The following GRID2 variants were observed in gnomAD, a reference collection of about 807,000 sequenced individuals.
GRID2 encodes glutamate ionotropic receptor delta type subunit 2.
In GRID2, 33 loss-of-function variants were observed where a neutral mutation model predicts 114.8. That is an observed-to-expected ratio of 0.29 (90% CI 0.22 to 0.38). The LOEUF is 0.38. GRID2 is among the 10% of genes least tolerant of loss of function. GRID2 has a pLI of 1.00. For missense variants in GRID2, 1,184 were observed against 1,257.7 expected, an observed-to-expected ratio of 0.94 and a Z score of 0.89; for synonymous variants, 505 against 449.9, an observed-to-expected ratio of 1.12 and a Z score of -1.55.
intron 7 of GRID2, among the ~76,000 whole-genome samples, chr4:93,238,098 A>G (rs879280155): frequency 4.6e-5 from 7 of 151,802 alleles, no homozygotes; most frequent in Non-Finnish European, 8.8e-5. Flanking sequence ...GAGCTCTAAC[A>G]TGGTTTCATT....
intron 2 of GRID2, among the ~76,000 whole-genome samples, chr4:92,665,671 T>G (rs1437044097): frequency 1.3e-5 from 2 of 151,114 alleles, no homozygotes; most frequent in Non-Finnish European, 3.0e-5. Flanking sequence ...CTCTAACTTT[T>G]GAAAGATAAT....
intron 8 of GRID2, among the ~76,000 whole-genome samples, chr4:93,263,581 A>G (rs1750487866): frequency 6.6e-6 from 1 of 152,090 alleles, no homozygotes; most frequent in South Asian, 2.1e-4. Context: ...AAATCTTAGT[A>G]TATTATATTT....
chr4:92,857,185 A>T (rs1744234535), intron 2 of GRID2, among the ~76,000 whole-genome samples: 1 of 152,152 alleles, frequency 6.6e-6, no homozygotes, highest in African/African-American at 2.4e-5. Context: ...CAAGGTTGAA[A>T]TTGGGCCAAT....
intron 8 of GRID2, among the ~76,000 whole-genome samples, chr4:93,311,497 A>G (rs1301435370): frequency 1.3e-5 from 2 of 152,254 alleles, no homozygotes; most frequent in East Asian, 3.9e-4. Flanking sequence ...TGGAATTCTC[A>G]AGCAAACACG....
At chr4:92,812,180 T>C (rs765881009) in intron 2 of GRID2, among the ~76,000 whole-genome samples, 2 of 152,156 alleles carry the variant, frequency 1.3e-5, no homozygotes, top group African/African-American at 2.4e-5. Context: ...ATCTTTAATA[T>C]ATGAATATCA....
intron 1 of GRID2, among the ~76,000 whole-genome samples, chr4:92,529,424 A>C (rs1474982831): frequency 6.6e-6 from 1 of 152,050 alleles, no homozygotes; most frequent in Non-Finnish European, 1.5e-5. Context: ...ATGAGAGAAG[A>C]CCTCATTGAA....
At chr4:93,140,251 C>T (rs1377997643) in intron 4 of GRID2, among the ~76,000 whole-genome samples, 1 of 151,288 alleles carries the variant, frequency 6.6e-6, no homozygotes, top group Non-Finnish European at 1.5e-5. Flanking sequence ...CTACGCCTCC[C>T]GGGTTCACGC....
At chr4:93,118,614 T>C (rs1330843233) in intron 4 of GRID2, among the ~76,000 whole-genome samples, 1 of 152,208 alleles carries the variant, frequency 6.6e-6, no homozygotes, top group Non-Finnish European at 1.5e-5. Context: ...AGTTTGAAAC[T>C]GGTCAAATAG....
At chr4:93,407,751 C>A (rs201390501) in intron 9 of GRID2, among the ~76,000 whole-genome samples, 1 of 89,780 alleles carries the variant, frequency 1.1e-5, no homozygotes, top group Non-Finnish European at 2.4e-5. Flanking sequence ...CCTCCTCCTC[C>A]TCCTCGTCCT....
chr4:92,415,565 A>T (rs1731554096), intron 1 of GRID2, among the ~76,000 whole-genome samples: 1 of 151,136 alleles, frequency 6.6e-6, no homozygotes, highest in African/African-American at 2.4e-5. Context: ...AGAACATATG[A>T]TGTTTGGTTT....
At chr4:92,524,679 T>C (rs1253746386) in intron 1 of GRID2, among the ~76,000 whole-genome samples, 2 of 151,954 alleles carry the variant, frequency 1.3e-5, no homozygotes, top group South Asian at 2.1e-4. Flanking sequence ...TCCTGTGCCA[T>C]GTAACCTAAC....
At chr4:93,204,759 T>TG (rs1742505388) in intron 4 of GRID2, among the ~76,000 whole-genome samples, 1 of 152,218 alleles carries the variant, frequency 6.6e-6, no homozygotes, top group African/African-American at 2.4e-5. Context: ...TAAATGCTGT[T>TG]GCACAAAACA....
intron 1 of GRID2, among the ~76,000 whole-genome samples, chr4:92,573,296 T>C (rs552918379): frequency 6.2e-4 from 94 of 152,326 alleles, no homozygotes; most frequent in African/African-American, 2.2e-3. Context: ...GAAGGGTTTT[T>C]CATGTCTCTA....
At chr4:92,925,190 C>G (rs1001232504) in intron 2 of GRID2, among the ~76,000 whole-genome samples, 2 of 152,006 alleles carry the variant, frequency 1.3e-5, no homozygotes, top group African/African-American at 2.4e-5. Context: ...GGATAAAATT[C>G]ATTTTATTGT....
At chr4:92,536,429 G>A (rs958848873) in intron 1 of GRID2, among the ~76,000 whole-genome samples, 5 of 152,140 alleles carry the variant, frequency 3.3e-5, no homozygotes, top group East Asian at 1.9e-4. Context: ...CTCTCACTAC[G>A]TTGCATAGTA....
At chr4:93,670,032 G>A (rs1724272555) in intron 14 of GRID2, among the ~76,000 whole-genome samples, 1 of 152,072 alleles carries the variant, frequency 6.6e-6, no homozygotes, top group Non-Finnish European at 1.5e-5. Flanking sequence ...GGCAAAATGT[G>A]ACCCTAGGGA....
At chr4:93,349,538 C>A (rs1760585455) in intron 8 of GRID2, among the ~76,000 whole-genome samples, 2 of 151,618 alleles carry the variant, frequency 1.3e-5, no homozygotes, top group South Asian at 2.1e-4. Flanking sequence ...CTCCTTCTAG[C>A]CCCATAGAAT....
intron 1 of GRID2, among the ~76,000 whole-genome samples, chr4:93,779,613 A>G (rs1457622933): frequency 6.6e-6 from 1 of 152,242 alleles, no homozygotes; most frequent in Non-Finnish European, 1.5e-5. Context: ...AATATAAATT[A>G]CACCATGTTG....
At chr4:93,747,849 T>C (rs1731981493) in intron 14 of GRID2, among the ~76,000 whole-genome samples, 1 of 152,104 alleles carries the variant, frequency 6.6e-6, no homozygotes, top group Non-Finnish European at 1.5e-5. Flanking sequence ...CTACCTGTTA[T>C]TTGAAATCAT....
Sources: gnomAD v4.1 joint callset for allele counts (sites outside exome capture counted in the v4.1 genomes callset) on GRCh38, gnomAD v4.1.1 for gene constraint, MANE v1.5 for transcripts, NCBI Gene and HGNC (gene_info 2026-07-23, HGNC 2026-07-21) for gene names.